The following CADM2 variants were observed in gnomAD, a reference collection of about 807,000 sequenced individuals.
CADM2 encodes the protein cell adhesion molecule 2, also known as immunoglobulin superfamily member 4D.
In CADM2, 12 loss-of-function variants were observed where a neutral mutation model predicts 49.8. That is an observed-to-expected ratio of 0.24 (90% CI 0.15 to 0.39). The LOEUF is 0.39. Ranked by LOEUF, CADM2 falls within the 10% of genes least tolerant of loss-of-function variation. The probability of loss-of-function intolerance (pLI) is 1.00; values close to 1 mark genes in which losing one functional copy is unlikely to be tolerated. For synonymous variants in CADM2, 214 were observed against 175.4 expected (o/e 1.22, Z -1.74); for missense variants, 378 against 492.3 (o/e 0.77, Z 2.20).
chr3:85,202,685 GT>G (rs2041535104), intron 1 of CADM2, among the ~76,000 whole-genome samples: 1 of 152,138 alleles, frequency 6.6e-6, no homozygotes, highest in African/African-American at 2.4e-5. Context: ...AGCTACATTA[GT>G]TCCTAAGAAG....
chr3:85,105,555 A>G (rs1264193411), intron 1 of CADM2, among the ~76,000 whole-genome samples: 1 of 152,158 alleles, frequency 6.6e-6, no homozygotes, highest in Non-Finnish European at 1.5e-5. Flanking sequence ...AGGGATCTAG[A>G]ACTAGAAATA....
intron 1 of CADM2, among the ~76,000 whole-genome samples, chr3:85,096,059 C>T (rs892902132): frequency 3.3e-5 from 5 of 151,926 alleles, no homozygotes; most frequent in Non-Finnish European, 5.9e-5. Flanking sequence ...TGTGACTTGT[C>T]TGTCTGTCTA....
intron 1 of CADM2, among the ~76,000 whole-genome samples, chr3:85,677,547 A>G (rs1164927360): frequency 6.6e-6 from 1 of 152,180 alleles, no homozygotes; most frequent in African/African-American, 2.4e-5. Context: ...GAAACTCGGT[A>G]TATTTCTAGT....
At chr3:85,414,214 A>G (rs2035808178) in intron 1 of CADM2, among the ~76,000 whole-genome samples, 1 of 152,194 alleles carries the variant, frequency 6.6e-6, no homozygotes, top group Non-Finnish European at 1.5e-5. Context: ...CTGATCAAAC[A>G]CTGTTCTTTA....
intron 1 of CADM2, among the ~76,000 whole-genome samples, chr3:85,297,126 A>G (rs1023253652): frequency 2.0e-5 from 3 of 152,054 alleles, no homozygotes; most frequent in Non-Finnish European, 2.9e-5. Flanking sequence ...TTTTAAAATG[A>G]TAAATATAGA....
intron 1 of CADM2, among the ~76,000 whole-genome samples, chr3:85,156,072 A>C (rs919991135): frequency 6.6e-6 from 1 of 152,048 alleles, no homozygotes; most frequent in Non-Finnish European, 1.5e-5. Flanking sequence ...AACTAGAAAA[A>C]CAAGAGCAAA....
chr3:86,014,886 C>T (rs1732014927), intron 8 of CADM2: 1 of 1,544,118 alleles, frequency 6.5e-7, no homozygotes, highest in African/African-American at 1.4e-5. Context: ...GATGAAGGTC[C>T]TGTGTATTCT....
chr3:85,299,578 T>C (rs1275691147), intron 1 of CADM2, among the ~76,000 whole-genome samples: 1 of 152,080 alleles, frequency 6.6e-6, no homozygotes, highest in Non-Finnish European at 1.5e-5. Flanking sequence ...TTAAGTGTGC[T>C]AGTTTATGTG....
chr3:85,237,585 T>C (rs1484675710), intron 1 of CADM2, among the ~76,000 whole-genome samples: 1 of 151,444 alleles, frequency 6.6e-6, no homozygotes, highest in Non-Finnish European at 1.5e-5. Context: ...GATTTTAATA[T>C]AATACAAAAG....
intron 7 of CADM2, among the ~76,000 whole-genome samples, chr3:85,950,805 G>A (rs574981016): frequency 2.6e-5 from 4 of 151,138 alleles, no homozygotes; most frequent in South Asian, 2.1e-4. Context: ...AAAGCTAACC[G>A]ATAATGTAAT....
rs57606781 is a variant in CADM2, at chr3:86,055,451, C to CTTTTT, written c.971-10130_971-10126dup. Among the ~76,000 whole-genome samples, 102 of 87,486 alleles carry CTTTTT rather than the reference C, an allele frequency of 1.2e-3. 1 individual carries two copies. Among genetic ancestry groups the CTTTTT allele is most frequent in the African/African-American group, 3.6e-3 (84 of 23,530 alleles). 57.4% of individuals were successfully genotyped at this position (87,486 alleles called of 152,430 possible). ...AGCAATGCAACTCTGGGCATCCCCT[C>CTTTTT]TTTTTTTTTTTTTTTTTTTTTTTTT... On this transcript the variant is annotated intron_variant, in intron 8 of 9. Transcript: ENST00000383699.
At chr3:85,836,245 G>A (rs1383370728) in intron 3 of CADM2, among the ~76,000 whole-genome samples, 1 of 151,550 alleles carries the variant, frequency 6.6e-6, no homozygotes, top group East Asian at 2.0e-4. Flanking sequence ...TTAGTGTAGT[G>A]AGCTGAGAAG....
At chr3:85,609,094 C>G (rs781750553) in intron 1 of CADM2, among the ~76,000 whole-genome samples, 7 of 151,988 alleles carry the variant, frequency 4.6e-5, no homozygotes, top group Admixed American at 1.3e-4. Flanking sequence ...TCAGGTACTA[C>G]TTTGCATCTC....
chr3:86,016,893 C>T (rs987797391), intron 8 of CADM2, among the ~76,000 whole-genome samples: 3 of 151,694 alleles, frequency 2.0e-5, no homozygotes, highest in Admixed American at 6.6e-5. Flanking sequence ...ACTTTAAATT[C>T]AACAAAAGAA....
At chr3:85,829,335 T>C (rs2074074319) in intron 3 of CADM2, among the ~76,000 whole-genome samples, 1 of 151,834 alleles carries the variant, frequency 6.6e-6, no homozygotes, top group Non-Finnish European at 1.5e-5. Context: ...ATTTATGTAC[T>C]AGAGTGAGAT....
At position 85,464,630 on chromosome 3, in the gene CADM2, C is replaced by T. The variant is rs547451862; in HGVS notation, c.62-261892C>T. 9.7e-4 allele frequency among the ~76,000 whole-genome samples: 147 copies of T among 152,172 alleles called. 2 individuals carry two copies. The South Asian group carries it at 0.028, about 29-fold the overall frequency. On this transcript the variant is annotated intron_variant, in intron 1 of 9. Transcript: ENST00000383699. Reference sequence around the variant, plus strand: ...GAATAATAAAAATGATTTTTCTCTCCGTTTAAAGGCATAGTTTATATGAAG... The same window carrying T: ...GAATAATAAAAATGATTTTTCTCTCTGTTTAAAGGCATAGTTTATATGAAG...
At chr3:86,006,439 C>A (rs1172848800) in intron 8 of CADM2, among the ~76,000 whole-genome samples, 1 of 152,124 alleles carries the variant, frequency 6.6e-6, no homozygotes, top group Non-Finnish European at 1.5e-5. Context: ...CTGTGTGTGA[C>A]CTGCTGAATG....
At chr3:84,975,602 A>T (rs2031769401) in intron 1 of CADM2, among the ~76,000 whole-genome samples, 1 of 151,822 alleles carries the variant, frequency 6.6e-6, no homozygotes, top group Non-Finnish European at 1.5e-5. Flanking sequence ...AAGGTAATTT[A>T]TATCCTTTAT....
At chr3:85,678,949 C>T (rs1373580804) in intron 1 of CADM2, among the ~76,000 whole-genome samples, 2 of 151,998 alleles carry the variant, frequency 1.3e-5, no homozygotes, top group Non-Finnish European at 2.9e-5. Flanking sequence ...GGGCAGCCCC[C>T]CACAGTAAAG....
Sources: allele counts gnomAD v4.1 joint callset (sites outside exome capture counted in the v4.1 genomes callset), GRCh38; gene constraint gnomAD v4.1.1; transcripts MANE v1.5; gene names NCBI Gene and HGNC (gene_info 2026-07-23, HGNC 2026-07-21).